Variants in TRPS1 observed in about 807,000 individuals in gnomAD.
The protein encoded by TRPS1 is zinc finger transcription factor Trps1.
TRPS1 carries 6 observed loss-of-function variants against 101.2 expected under a neutral mutation model. That is an observed-to-expected ratio of 0.06 (90% CI 0.03 to 0.12). The LOEUF is 0.12. Ranked by LOEUF, TRPS1 falls within the 10% of genes least tolerant of loss-of-function variation. The pLI is 1.00. For synonymous variants in TRPS1, 578 were observed against 589.8 expected, an observed-to-expected ratio of 0.98 and a Z score of 0.29; for missense variants, 1,363 against 1,567.0, an observed-to-expected ratio of 0.87 and a Z score of 2.20.
At chr8:115,428,483 A>C (rs1224107153) in intron 5 of TRPS1, among the ~76,000 whole-genome samples, 2 of 152,218 alleles carry the variant, frequency 1.3e-5, no homozygotes, top group African/African-American at 4.8e-5. Context: ...CGCAGCCTTG[A>C]GTCTGCTCAG....
chr8:115,529,383 G>A (rs1379823565), intron 5 of TRPS1, among the ~76,000 whole-genome samples: 1 of 152,050 alleles, frequency 6.6e-6, no homozygotes, highest in Non-Finnish European at 1.5e-5. Flanking sequence ...TATGTAAGAT[G>A]TAGATTGAAA....
chr8:115,591,944 A>G (rs1437831812), intron 4 of TRPS1, among the ~76,000 whole-genome samples: 1 of 152,098 alleles, frequency 6.6e-6, no homozygotes, highest in African/African-American at 2.4e-5. Flanking sequence ...CATTTTATCT[A>G]TATCAAGTCA....
At chr8:115,428,395 GACAAAA>G (rs1813239848) in intron 5 of TRPS1, among the ~76,000 whole-genome samples, 1 of 152,128 alleles carries the variant, frequency 6.6e-6, no homozygotes, top group Admixed American at 6.5e-5. Context: ...GAAGAGTAAT[GACAAAA>G]ATACTCCTAA....
intron 5 of TRPS1, among the ~76,000 whole-genome samples, chr8:115,433,192 C>A (rs1813364873): frequency 6.6e-6 from 1 of 151,738 alleles, no homozygotes; most frequent in Non-Finnish European, 1.5e-5. Flanking sequence ...TTTTAAACTC[C>A]CAATCACAGA....
chr8:115,425,887 C>A (rs1813175172), intron 5 of TRPS1, among the ~76,000 whole-genome samples: 1 of 152,178 alleles, frequency 6.6e-6, no homozygotes, highest in African/African-American at 2.4e-5. Context: ...ATAATAGAAT[C>A]AGAATTGGAA....
At chr8:115,583,940 G>A (rs1817509524) in intron 5 of TRPS1, among the ~76,000 whole-genome samples, 1 of 151,852 alleles carries the variant, frequency 6.6e-6, no homozygotes, top group African/African-American at 2.4e-5. Context: ...TTAATGAAGA[G>A]AACATTTCGA....
At chr8:115,443,120 A>T (rs1813649121) in intron 5 of TRPS1, among the ~76,000 whole-genome samples, 1 of 151,330 alleles carries the variant, frequency 6.6e-6, no homozygotes, top group Non-Finnish European at 1.5e-5. Context: ...AGGAAAAAAA[A>T]ATAGCTGGAC....
intron 5 of TRPS1, among the ~76,000 whole-genome samples, chr8:115,441,374 T>TAAAC (rs1813588631): frequency 6.6e-6 from 1 of 152,230 alleles, no homozygotes; most frequent in Non-Finnish European, 1.5e-5. Flanking sequence ...AAAAACAGTT[T>TAAAC]TGGTGCATCC....
chr8:115,573,900 A>G (rs1817261615), intron 5 of TRPS1, among the ~76,000 whole-genome samples: 1 of 152,150 alleles, frequency 6.6e-6, no homozygotes, highest in African/African-American at 2.4e-5. Flanking sequence ...CTAAAAGTCC[A>G]GTCTTCCTTT....
intron 5 of TRPS1, among the ~76,000 whole-genome samples, chr8:115,466,864 G>C (rs964798817): frequency 4.0e-5 from 6 of 151,608 alleles, no homozygotes; most frequent in African/African-American, 1.5e-4. Context: ...TTTTTGTAAT[G>C]GTAGTGTGAT....
chr8:115,475,266 TTATATATATATATATATATATATA>T (rs33922102), intron 5 of TRPS1, among the ~76,000 whole-genome samples: 19 of 123,960 alleles, frequency 1.5e-4, no homozygotes, highest in Admixed American at 4.0e-4. Context: ...TGAATCACAG[TTATATATATATATATATATATATA>T]TATATATATA....
At chr8:115,600,406 C>G (rs2130480933) in intron 4 of TRPS1, among the ~76,000 whole-genome samples, 1 of 152,204 alleles carries the variant, frequency 6.6e-6, no homozygotes, top group Non-Finnish European at 1.5e-5. Flanking sequence ...GAGTACTTTT[C>G]TACAGACAAA....
At chr8:115,522,905 TTAAG>T (rs1001436641) in intron 5 of TRPS1, among the ~76,000 whole-genome samples, 1 of 152,112 alleles carries the variant, frequency 6.6e-6, no homozygotes, top group African/African-American at 2.4e-5. Flanking sequence ...GTTGTCTTTG[TTAAG>T]TTCTTGATTC....
At chr8:115,654,673 A>T (rs923701733) in intron 1 of TRPS1, among the ~76,000 whole-genome samples, 2 of 152,194 alleles carry the variant, frequency 1.3e-5, no homozygotes, top group African/African-American at 4.8e-5. Context: ...CTTATTAGTG[A>T]CCATTTTCAT....
intron 5 of TRPS1, among the ~76,000 whole-genome samples, chr8:115,436,994 G>C (rs1472870263): frequency 1.3e-5 from 2 of 152,092 alleles, no homozygotes; most frequent in Non-Finnish European, 1.5e-5. Context: ...TCTTCTACAA[G>C]TTATCTGTCC....
chr8:115,663,069 A>C (rs1260917585), intron 1 of TRPS1, among the ~76,000 whole-genome samples: 1 of 152,056 alleles, frequency 6.6e-6, no homozygotes, highest in Non-Finnish European at 1.5e-5. Flanking sequence ...TTTCCCCAAA[A>C]CCCAAAAACT....
At position 115,619,377 on chromosome 8, in the gene TRPS1, C is replaced by G. The variant is rs1254604422; in HGVS notation, c.721G>C (p.Gly241Arg). ...GGGTCGTTGCCGTAGTAACCATATC[C>G]ACAGATATTGCATTTAAAGTCCTGA... ...ELQDFKCNICGYGYYGNDPTD... is the reference protein window; with the variant it reads ...ELQDFKCNICRYGYYGNDPTD... The change falls in exon 3 of 7, where the codon GGA becomes CGA. Residue 241 changes from glycine to arginine, a missense_variant. Gly to Arg is a moderately radical substitution (Grantham distance 125). This residue lies in a region of TRPS1 where 1,020 missense variants were observed against 1,073.0 expected (regional missense o/e 0.95). Transcript: ENST00000395715. The G allele has an allele frequency of 6.2e-7, 1 of 1,614,074 alleles. No homozygotes were observed.
chr8:115,628,409 T>C (rs767088630), intron 1 of TRPS1, among the ~76,000 whole-genome samples: 2 of 151,752 alleles, frequency 1.3e-5, no homozygotes, highest in African/African-American at 4.8e-5. Flanking sequence ...CTAATTAGCA[T>C]CATTTTTCCC....
chr8:115,479,376 A>G (rs967476592), intron 5 of TRPS1, among the ~76,000 whole-genome samples: 3 of 152,170 alleles, frequency 2.0e-5, no homozygotes, highest in Non-Finnish European at 4.4e-5. Flanking sequence ...GTTTCCATAG[A>G]CAAAATGTAT....
Sources: gnomAD v4.1 joint callset for allele counts (sites outside exome capture counted in the v4.1 genomes callset) on GRCh38, gnomAD v4.1.1 for gene constraint, gnomAD v4.1.1 regional missense constraint, MANE v1.5 for transcripts, NCBI Gene and HGNC (gene_info 2026-07-23, HGNC 2026-07-21) for gene names.